Variants in PIK3CB observed in about 807,000 individuals in gnomAD.
PIK3CB encodes phosphatidylinositol 4,5-bisphosphate 3-kinase catalytic subunit beta isoform.
In PIK3CB, 39 loss-of-function variants were observed where a neutral mutation model predicts 136.8. That is an observed-to-expected ratio of 0.29 (90% confidence interval 0.22 to 0.37). The LOEUF (loss-of-function observed/expected upper bound fraction) is 0.37. PIK3CB is among the 10% of genes least tolerant of loss of function. The pLI, the probability that PIK3CB is intolerant of heterozygous loss-of-function variation, is 1.00. For synonymous variants in PIK3CB, 428 were observed against 436.6 expected (o/e 0.98, Z 0.25); for missense variants, 868 against 1,275.4 (o/e 0.68, Z 4.87).
At position 138,787,720 on chromosome 3, in the gene PIK3CB, C is replaced by CT. The variant is rs879420169; in HGVS notation, c.-17+8742dup. 4.1e-3 allele frequency among the ~76,000 whole-genome samples: 545 copies of CT among 133,090 alleles called. 6 individuals are homozygous for CT. In the Middle Eastern group the frequency reaches 0.06, roughly 15 times the overall value. 87.3% of individuals were successfully genotyped at this position (133,090 alleles called of 152,430 possible). A position where few individuals can be genotyped will look rare whatever the true frequency, so the allele number is the denominator to read the frequency against. On this transcript the variant is annotated intron_variant, in intron 2 of 23. Coordinates refer to ENST00000674063, the MANE Select transcript of PIK3CB (RefSeq NM_006219.3). Reference sequence around the variant, plus strand: ...CAAACAGGAGGTTAACAAATGTATTCTTTTTTTTTTTTTTAAAGAAAGAAA... The same window carrying CT: ...CAAACAGGAGGTTAACAAATGTATTCTTTTTTTTTTTTTTTAAAGAAAGAAA...
intron 5 of PIK3CB, among the ~76,000 whole-genome samples, chr3:138,741,912 T>C (rs981870003): frequency 1.3e-5 from 2 of 152,116 alleles, no homozygotes; most frequent in African/African-American, 4.8e-5. Flanking sequence ...GATACAACAG[T>C]AGTAGCATCA....
intron 4 of PIK3CB, among the ~76,000 whole-genome samples, chr3:138,746,824 T>G (rs1020380972): frequency 2.0e-5 from 3 of 151,370 alleles, no homozygotes; most frequent in African/African-American, 4.8e-5. Flanking sequence ...TCTATTGGTA[T>G]GCCTTTCTTA....
At chr3:138,666,379 TTG>T (rs1369588354) in intron 19 of PIK3CB, among the ~76,000 whole-genome samples, 1 of 152,044 alleles carries the variant, frequency 6.6e-6, no homozygotes, top group Non-Finnish European at 1.5e-5. Context: ...AGGTCTTGCT[TTG>T]TTGCTAAGCT....
rs746292811 is a variant in PIK3CB, at chr3:138,714,532, G to A, written c.1238C>T (p.Thr413Met). 1.1e-5 allele frequency: 17 copies of A among 1,611,824 alleles called. No individual in the cohort carries two copies. The highest frequency in any genetic ancestry group is 4.4e-5 in the South Asian group (4 of 90,996). The change falls in exon 9 of 24, where the codon ACG (threonine) becomes ATG (methionine). Residue 413 changes from threonine to methionine, a missense_variant. Physicochemically the swap from Thr to Met is moderately conservative, Grantham distance 81. Around this residue, in one of 4 missense-constraint regions of PIK3CB, gnomAD observed 612 missense variants for 801.1 expected, o/e 0.76. Transcript: ENST00000674063. ...ATTAATAGTTTTCGTTGATTTCTTCGTTTTTACTTTATCCAAAACTGCATA... is the reference window on the plus strand; with the variant it reads ...ATTAATAGTTTTCGTTGATTTCTTCATTTTTACTTTATCCAAAACTGCATA... ...AVYAVLDKVKTKKSTKTINPS... is the reference protein window; with the variant it reads ...AVYAVLDKVKMKKSTKTINPS...
chr3:138,735,089 C>T (rs942468885), intron 6 of PIK3CB, among the ~76,000 whole-genome samples: 1 of 151,368 alleles, frequency 6.6e-6, no homozygotes, highest in Admixed American at 6.6e-5. Context: ...CCTGGGACTA[C>T]AGGCACACAC....
chr3:138,748,164 C>T (rs1490613622), intron 4 of PIK3CB, among the ~76,000 whole-genome samples: 2 of 130,904 alleles, frequency 1.5e-5, no homozygotes, highest in African/African-American at 8.5e-5. Flanking sequence ...CATACACACA[C>T]ACACACACAC....
At chr3:138,680,979 T>G (rs1048581990) in intron 19 of PIK3CB, among the ~76,000 whole-genome samples, 1 of 151,816 alleles carries the variant, frequency 6.6e-6, no homozygotes, top group African/African-American at 2.4e-5. Flanking sequence ...TGAGCCACCA[T>G]GCACGGCCCA....
At chr3:138,693,944 T>C (rs1175493197) in intron 14 of PIK3CB, among the ~76,000 whole-genome samples, 2 of 33,260 alleles carry the variant, frequency 6.0e-5, no homozygotes, top group African/African-American at 4.7e-4. Context: ...AAAATATATA[T>C]ATATATATAT....
At chr3:138,702,919 C>T (rs1229174258) in intron 12 of PIK3CB, among the ~76,000 whole-genome samples, 1 of 152,096 alleles carries the variant, frequency 6.6e-6, no homozygotes, top group East Asian at 1.9e-4. Context: ...CACAAGGATC[C>T]TATCACACCA....
intron 2 of PIK3CB, among the ~76,000 whole-genome samples, chr3:138,786,405 G>A (rs1045181681): frequency 6.6e-6 from 1 of 151,918 alleles, no homozygotes; most frequent in African/African-American, 2.4e-5. Context: ...ACCCAGGCTG[G>A]AGTATAATGA....
intron 13 of PIK3CB, among the ~76,000 whole-genome samples, chr3:138,695,356 T>C (rs957746812): frequency 1.3e-5 from 2 of 152,272 alleles, no homozygotes; most frequent in Admixed American, 6.5e-5. Context: ...TAGAGGATTT[T>C]CTTTCAATTG....
intron 15 of PIK3CB, 22 bp downstream of exon 15, chr3:138,690,978 A>G (rs769877368): frequency 1.9e-6 from 3 of 1,587,942 alleles, no homozygotes; most frequent in Admixed American, 3.7e-5. Flanking sequence ...GGTGGGCTCA[A>G]AGTAAAATAT....
At chr3:138,676,850 G>A (rs747638066) in intron 19 of PIK3CB, among the ~76,000 whole-genome samples, 5 of 152,048 alleles carry the variant, frequency 3.3e-5, no homozygotes, top group Non-Finnish European at 7.4e-5. Flanking sequence ...TCAGGGAGGG[G>A]GTTGGGGGTA....
At chr3:138,833,730 G>C (rs570794558) in intron 1 of PIK3CB, among the ~76,000 whole-genome samples, 6 of 152,260 alleles carry the variant, frequency 3.9e-5, no homozygotes, top group African/African-American at 1.4e-4. Context: ...CATACTCTTC[G>C]TGTGTTTATA....
At chr3:138,708,954 C>A (rs2044437600) in intron 10 of PIK3CB, among the ~76,000 whole-genome samples, 2 of 151,806 alleles carry the variant, frequency 1.3e-5, no homozygotes, top group Non-Finnish European at 2.9e-5. Context: ...CACTCTTTTT[C>A]TGTGTGTATA....
At chr3:138,712,394 C>G in intron 9 of PIK3CB, 90 bp from the exon 10 acceptor site, 1 of 514,876 alleles carries the variant, frequency 1.9e-6, no homozygotes, top group East Asian at 3.4e-5. Flanking sequence ...AATGTTAGTT[C>G]TAGAAAGTTC....
chr3:138,801,798 G>A (rs1296048976), intron 1 of PIK3CB, among the ~76,000 whole-genome samples: 3 of 149,356 alleles, frequency 2.0e-5, no homozygotes, highest in African/African-American at 7.4e-5. Context: ...GGGAGGCAGA[G>A]GTTGCAGTGA....
At chr3:138,833,066 A>AT (rs553084744) in intron 1 of PIK3CB, among the ~76,000 whole-genome samples, 221 of 142,942 alleles carry the variant, frequency 1.5e-3, no homozygotes, top group East Asian at 7.3e-3. Context: ...TCTCAAAAAG[A>AT]TTTTTTTTTT....
At chr3:138,733,747 G>A (rs374021917) in intron 7 of PIK3CB, among the ~76,000 whole-genome samples, 60 of 152,106 alleles carry the variant, frequency 3.9e-4, no homozygotes, top group South Asian at 2.3e-3. Flanking sequence ...GCATGGTGGC[G>A]GGCGCCTGTA....
Sources: gnomAD v4.1 joint callset for allele counts (sites outside exome capture counted in the v4.1 genomes callset) on GRCh38, gnomAD v4.1.1 for gene constraint, gnomAD v4.1.1 regional missense constraint, MANE v1.5 for transcripts, NCBI Gene and HGNC (gene_info 2026-07-23, HGNC 2026-07-21) for gene names.